USH2A: variants seen among roughly 807,000 people sequenced by gnomAD.
USH2A encodes Usher syndrome 2A (autosomal recessive, mild).
Under a neutral mutation model 538.9 loss-of-function variants are expected in USH2A, and 443 were observed. The observed-to-expected ratio is 0.82, with a 90% CI of 0.76 to 0.89. The LOEUF (loss-of-function observed/expected upper bound fraction) is 0.89, where lower values mean the gene tolerates loss of function less well. Ranked by LOEUF, USH2A falls within the 40% of genes least tolerant of loss-of-function variation. The probability of loss-of-function intolerance (pLI) is 0.00; values close to 1 mark genes in which losing one functional copy is unlikely to be tolerated. For missense variants in USH2A, 6,633 were observed against 6,324.8 expected, an observed-to-expected ratio of 1.05 and a Z score of -1.65; for synonymous variants, 2,413 against 2,273.5, an observed-to-expected ratio of 1.06 and a Z score of -1.75.
intron 61 of USH2A, among the ~76,000 whole-genome samples, chr1:215,721,804 C>T (rs992974752): frequency 6.6e-5 from 10 of 152,140 alleles, no homozygotes; most frequent in African/African-American, 2.4e-4. Flanking sequence ...TGGCTCAAGC[C>T]TGTAATTCCA....
chr1:216,422,133 G>T lies in USH2A; in HGVS notation c.204C>A (p.His68Gln). The T allele has an allele frequency of 1.2e-6, 2 of 1,613,840 alleles. No individual in the cohort carries two copies. The highest frequency in any genetic ancestry group is 1.7e-6 in the Non-Finnish European group (2 of 1,179,898). Residue 68 changes from histidine (H) to glutamine (Q), a missense_variant, in exon 2 of 72, where the codon CAC (histidine) becomes CAA (glutamine). By Grantham distance (24) the His-to-Gln change is conservative. Coordinates refer to ENST00000307340, the MANE Select transcript of USH2A (RefSeq NM_206933.4). ...CGLPDRSTFCHSSAAAESIQF... is the reference protein window; with the variant it reads ...CGLPDRSTFCQSSAAAESIQF... ...GAATACTTTCAGCAGCAGCAGAGCT[G>T]TGACAAAAAGTGCTTCGGTCTGGGA...
intron 9 of USH2A, among the ~76,000 whole-genome samples, chr1:216,303,762 C>A (rs1460599623): frequency 6.6e-6 from 1 of 151,872 alleles, no homozygotes; most frequent in Non-Finnish European, 1.5e-5. Context: ...TTGAATTTCA[C>A]AAATGAAGGT....
intron 2 of USH2A, among the ~76,000 whole-genome samples, chr1:216,420,925 T>C (rs2039665817): frequency 6.6e-6 from 1 of 152,170 alleles, no homozygotes; most frequent in South Asian, 2.1e-4. Context: ...TTGTAATCCT[T>C]TTCTGGTTTG....
At chr1:215,627,426 TTCCTTCCTTCCTTCCTTCCTTCC>T (rs1656079544) in intron 71 of USH2A, among the ~76,000 whole-genome samples, 26 of 124,266 alleles carry the variant, frequency 2.1e-4, no homozygotes, top group African/African-American at 8.1e-4. Flanking sequence ...CCTTCCTTCC[TTCCTTCCTTCCTTCCTTCCTTCC>T]TTCCTTCCTT....
At chr1:215,648,866 C>G in intron 65 of USH2A, 100 bp from the exon 66 acceptor site, 1 of 1,158,696 alleles carries the variant, frequency 8.6e-7, no homozygotes, top group Non-Finnish European at 1.3e-6. Flanking sequence ...GAGTACCATG[C>G]CAGGCACTCT....
At chr1:216,114,331 T>C (rs1172077688) in intron 21 of USH2A, among the ~76,000 whole-genome samples, 1 of 152,104 alleles carries the variant, frequency 6.6e-6, no homozygotes, top group African/African-American at 2.4e-5. Flanking sequence ...TCAACAGCCA[T>C]AATTCTTTTT....
intron 2 of USH2A, among the ~76,000 whole-genome samples, chr1:216,420,528 G>A (rs889944656): frequency 4.6e-5 from 7 of 151,944 alleles, no homozygotes; most frequent in Admixed American, 1.3e-4. Flanking sequence ...TTGATACAAG[G>A]AACTCTCAAA....
chr1:215,931,849 T>C (rs12071635), intron 38 of USH2A, among the ~76,000 whole-genome samples: 24,173 of 151,930 alleles, frequency 0.16, 2,028 homozygotes, highest in South Asian at 0.3. Context: ...TTCAGTATAA[T>C]GTAACTGTTC....
At chr1:215,803,338 A>G (rs1662397279) in intron 49 of USH2A, among the ~76,000 whole-genome samples, 1 of 152,188 alleles carries the variant, frequency 6.6e-6, no homozygotes, top group African/African-American at 2.4e-5. Context: ...AGAGGAAGTC[A>G]AATTGTCCCT....
chr1:216,158,673 T>G (rs1378810382), intron 21 of USH2A, among the ~76,000 whole-genome samples: 1 of 152,184 alleles, frequency 6.6e-6, no homozygotes, highest in African/African-American at 2.4e-5. Flanking sequence ...CTTTGCCCTT[T>G]TTTAGTATTG....
At chr1:216,338,851 T>G (rs2038023120) in intron 4 of USH2A, among the ~76,000 whole-genome samples, 1 of 151,646 alleles carries the variant, frequency 6.6e-6, no homozygotes, top group Non-Finnish European at 1.5e-5. Flanking sequence ...TACTCATGAT[T>G]TTGGCAAAAA....
intron 26 of USH2A, among the ~76,000 whole-genome samples, chr1:216,078,760 T>C (rs1396616950): frequency 6.6e-6 from 1 of 152,112 alleles, no homozygotes; most frequent in African/African-American, 2.4e-5. Context: ...TACTACTTCA[T>C]ATATCAATTT....
intron 21 of USH2A, among the ~76,000 whole-genome samples, chr1:216,136,540 T>C (rs1490010822): frequency 6.6e-6 from 1 of 152,196 alleles, no homozygotes; most frequent in Non-Finnish European, 1.5e-5. Flanking sequence ...TTCTCGTCAG[T>C]TATGCAGTAT....
At chr1:215,643,791 A>G (rs550842536) in intron 67 of USH2A, among the ~76,000 whole-genome samples, 19 of 152,212 alleles carry the variant, frequency 1.2e-4, no homozygotes, top group Admixed American at 7.9e-4. Flanking sequence ...TGGCTTCCCA[A>G]AGCGCTGGGA....
chr1:216,070,196 T>C lies in USH2A; in HGVS notation c.5954A>G (p.Glu1985Gly). 6.2e-7 allele frequency: 1 copy of C among 1,614,010 alleles called. No individual in the cohort carries two copies. Among genetic ancestry groups the C allele is most frequent in the Non-Finnish European group, 8.5e-7 (1 of 1,179,942 alleles). ...ACTATAGGCTTTCAGAATGTACTTC[T>C]CAATTACACCTCTGACAACAGGTTC... ...WDEPVVRGVI[E>G]KYILKAYSED... Residue 1985 changes from glutamate (E) to glycine (G), a missense_variant, in exon 30 of 72, where the codon GAG (glutamate) becomes GGG (glycine). By Grantham distance (98) the Glu-to-Gly change is moderately conservative. Coordinates refer to ENST00000307340, the MANE Select transcript of USH2A (RefSeq NM_206933.4).
chr1:215,759,898 C>A, intron 56 of USH2A, 55 bp from the exon 57 acceptor site: 1 of 1,602,904 alleles, frequency 6.2e-7, no homozygotes, highest in Non-Finnish European at 8.5e-7. Flanking sequence ...AACAGTGTAT[C>A]AAAAGTCACA....
In USH2A at chr1:215,782,215, T is replaced by C; in HGVS notation, c.10586-19A>G. ...ATAGGACCTAAAAGAAGCAGAAAAA[T>C]GACTGCATTTGAATGTGATATCATT... On this transcript the variant is annotated intron_variant, in intron 53 of 71. Coordinates refer to ENST00000307340, the MANE Select transcript of USH2A (RefSeq NM_206933.4). 1 of 1,612,644 alleles carries C rather than the reference T, an allele frequency of 6.2e-7. No individual in the cohort carries two copies. The highest frequency in any genetic ancestry group is 8.5e-7 in the Non-Finnish European group (1 of 1,179,154).
At chr1:215,700,279 G>A (rs1014124500) in intron 61 of USH2A, among the ~76,000 whole-genome samples, 17 of 152,004 alleles carry the variant, frequency 1.1e-4, no homozygotes, top group African/African-American at 3.6e-4. Context: ...TTTTTTTGTC[G>A]TGTCTCTGCC....
chr1:216,412,922 T>C (rs1157295504), intron 3 of USH2A, among the ~76,000 whole-genome samples: 3 of 152,064 alleles, frequency 2.0e-5, no homozygotes, highest in Non-Finnish European at 2.9e-5. Context: ...ATTAACACTA[T>C]ATTAAACATG....
Sources: gnomAD v4.1 joint callset for allele counts (sites outside exome capture counted in the v4.1 genomes callset) on GRCh38, gnomAD v4.1.1 for gene constraint, MANE v1.5 for transcripts, NCBI Gene and HGNC (gene_info 2026-07-23, HGNC 2026-07-21) for gene names.